The following AKT3 variants were observed in gnomAD, a reference collection of about 807,000 sequenced individuals.
AKT3 encodes AKT serine/threonine kinase 3.
In AKT3, 15 loss-of-function variants were observed where a neutral mutation model predicts 65.3. The observed-to-expected ratio is 0.23, with a 90% CI of 0.15 to 0.35. The LOEUF (loss-of-function observed/expected upper bound fraction) is 0.35. Among genes scored for constraint, AKT3 ranks in the 10% least tolerant of loss-of-function variants. The probability of loss-of-function intolerance (pLI) is 1.00; values close to 1 mark genes in which losing one functional copy is unlikely to be tolerated. For synonymous variants in AKT3, 206 were observed against 183.8 expected, an observed-to-expected ratio of 1.12 and a Z score of -0.98; for missense variants, 243 against 576.5, an observed-to-expected ratio of 0.42 and a Z score of 5.92.
chr1:243,731,388 G>A (rs1025699069), intron 2 of AKT3, among the ~76,000 whole-genome samples: 3 of 152,140 alleles, frequency 2.0e-5, no homozygotes, highest in Admixed American at 2.0e-4. Context: ...GAACTAAGGG[G>A]CAAGAAGAGG....
intron 2 of AKT3, among the ~76,000 whole-genome samples, chr1:243,713,846 A>C (rs1686316124): frequency 6.6e-6 from 1 of 151,298 alleles, no homozygotes; most frequent in Non-Finnish European, 1.5e-5. Flanking sequence ...GCAAACGGGC[A>C]GACACATTGA....
chr1:243,846,343 T>C (rs1216836187), intron 1 of AKT3, among the ~76,000 whole-genome samples: 2 of 152,076 alleles, frequency 1.3e-5, no homozygotes, highest in Non-Finnish European at 2.9e-5. Context: ...AATCCATCCA[T>C]ATATATATAG....
intron 12 of AKT3, among the ~76,000 whole-genome samples, chr1:243,542,879 G>A (rs1672412421): frequency 6.6e-6 from 1 of 152,012 alleles, no homozygotes; most frequent in African/African-American, 2.4e-5. Context: ...GTATATATGG[G>A]GCGGCAGAGA....
intron 2 of AKT3, among the ~76,000 whole-genome samples, chr1:243,744,505 C>T (rs935302976): frequency 4.0e-5 from 6 of 151,828 alleles, no homozygotes; most frequent in South Asian, 2.1e-4. Context: ...TTTGGGAGGC[C>T]GAGGCGGGTG....
intron 13 of AKT3, among the ~76,000 whole-genome samples, chr1:243,507,802 A>G (rs891677123): frequency 6.6e-6 from 1 of 152,234 alleles, no homozygotes; most frequent in African/African-American, 2.4e-5. Flanking sequence ...AAAAGCGACC[A>G]GATCTCAAAG....
At chr1:243,800,332 T>G (rs1692303215) in intron 2 of AKT3, among the ~76,000 whole-genome samples, 1 of 152,222 alleles carries the variant, frequency 6.6e-6, no homozygotes, top group African/African-American at 2.4e-5. Flanking sequence ...ATCAAATGCT[T>G]ACAATGCTGC....
chr1:243,722,918 CATTT>C (rs565143271), intron 2 of AKT3, among the ~76,000 whole-genome samples: 153 of 152,206 alleles, frequency 1.0e-3, no homozygotes, highest in African/African-American at 3.5e-3. Context: ...TAAACATTAA[CATTT>C]ATTATTTTCA....
intron 2 of AKT3, chr1:243,793,461 A>G (rs986859107): frequency 6.6e-6 from 1 of 152,144 alleles, no homozygotes; most frequent in Non-Finnish European, 1.5e-5. Flanking sequence ...CTCTTACCAC[A>G]TACCACAGAA....
At chr1:243,519,790 T>A (rs1336340268) in intron 12 of AKT3, among the ~76,000 whole-genome samples, 1 of 152,162 alleles carries the variant, frequency 6.6e-6, no homozygotes, top group Non-Finnish European at 1.5e-5. Flanking sequence ...TTAAAAAAGC[T>A]TTTAAAGAGT....
At chr1:243,726,028 T>G (rs1032328420) in intron 2 of AKT3, among the ~76,000 whole-genome samples, 2 of 152,040 alleles carry the variant, frequency 1.3e-5, no homozygotes, top group Non-Finnish European at 2.9e-5. Context: ...GCTCTGGAAT[T>G]TCATGCCTCC....
At chr1:243,828,115 A>G (rs1337180969) in intron 2 of AKT3, among the ~76,000 whole-genome samples, 3 of 152,174 alleles carry the variant, frequency 2.0e-5, no homozygotes, top group Admixed American at 1.3e-4. Context: ...AAGTATCCCG[A>G]CTGTCTATAT....
At chr1:243,561,948 T>C (rs1369546955) in intron 10 of AKT3, among the ~76,000 whole-genome samples, 1 of 152,104 alleles carries the variant, frequency 6.6e-6, no homozygotes, top group Non-Finnish European at 1.5e-5. Flanking sequence ...TTACAACTGC[T>C]TCAGGGAGTA....
At chr1:243,787,442 G>C (rs1691337996) in intron 2 of AKT3, among the ~76,000 whole-genome samples, 1 of 152,104 alleles carries the variant, frequency 6.6e-6, no homozygotes, top group Non-Finnish European at 1.5e-5. Flanking sequence ...TTGAGATATA[G>C]CTGTTTCCTG....
chr1:243,535,474 T>C (rs1197674101), intron 12 of AKT3, among the ~76,000 whole-genome samples: 1 of 152,174 alleles, frequency 6.6e-6, no homozygotes, highest in Admixed American at 6.6e-5. Flanking sequence ...ACATGCAGTA[T>C]TTGATTTTCT....
upstream of AKT3, among the ~76,000 whole-genome samples, chr1:243,850,590 G>C (rs1336311448): frequency 6.6e-6 from 1 of 151,338 alleles, no homozygotes; most frequent in African/African-American, 2.4e-5. Flanking sequence ...CCGCCGATCG[G>C]TTCTCGCCGT....
At chr1:243,695,789 G>A (rs2148025813) in intron 2 of AKT3, 73 bp from the exon 3 acceptor site, 10 of 1,400,470 alleles carry the variant, frequency 7.1e-6, no homozygotes, top group South Asian at 1.6e-5. Flanking sequence ...ATAAATTATG[G>A]TACAATATAT....
chr1:243,599,221 AATGCTAAAGG>A (rs1370533687), intron 8 of AKT3, among the ~76,000 whole-genome samples: 58 of 152,356 alleles, frequency 3.8e-4, no homozygotes, highest in Non-Finnish European at 8.2e-4. Context: ...TACAAAAACA[AATGCTAAAGG>A]AAGTTTTTAT....
intron 3 of AKT3, among the ~76,000 whole-genome samples, chr1:243,693,243 GAT>G (rs1172388560): frequency 4.0e-3 from 181 of 45,290 alleles, no homozygotes; most frequent in Middle Eastern, 0.02. Flanking sequence ...GCTACAATTT[GAT>G]ATATATATAT....
chr1:243,702,783 T>G (rs975082830), intron 2 of AKT3: 2 of 152,200 alleles, frequency 1.3e-5, no homozygotes, highest in African/African-American at 4.8e-5. Flanking sequence ...ATTTGACTAA[T>G]ACTTTTAGTT....
Sources: allele counts gnomAD v4.1 joint callset (sites outside exome capture counted in the v4.1 genomes callset), GRCh38; gene constraint gnomAD v4.1.1; transcripts MANE v1.5; gene names NCBI Gene and HGNC (gene_info 2026-07-23, HGNC 2026-07-21).